TOLLIP: variants seen among roughly 807,000 people sequenced by gnomAD.
The protein encoded by TOLLIP is toll-interacting protein.
In TOLLIP, 16 loss-of-function variants were observed where a neutral mutation model predicts 33.5. The observed-to-expected ratio is 0.48, with a 90% CI of 0.32 to 0.72. The LOEUF is 0.72. TOLLIP is among the 30% of genes least tolerant of loss of function. TOLLIP has a pLI of 0.03. For missense variants in TOLLIP, 325 were observed against 396.6 expected, an observed-to-expected ratio of 0.82 and a Z score of 1.53; for synonymous variants, 176 against 163.7, an observed-to-expected ratio of 1.07 and a Z score of -0.57.
At chr11:1,296,414 G>A (rs1368238101) in intron 1 of TOLLIP, among the ~76,000 whole-genome samples, 1 of 152,218 alleles carries the variant, frequency 6.6e-6, no homozygotes, top group Non-Finnish European at 1.5e-5. Context: ...GAGAGAGGAT[G>A]GGCCCAGGCA....
chr11:1,284,403 C>T (rs988880439), intron 5 of TOLLIP, among the ~76,000 whole-genome samples: 2 of 151,796 alleles, frequency 1.3e-5, no homozygotes, highest in African/African-American at 4.8e-5. Context: ...GGCTGGAGTG[C>T]AGTGGCGCAA....
At chr11:1,280,831 C>A (rs1008065157) in intron 5 of TOLLIP, among the ~76,000 whole-genome samples, 5 of 152,180 alleles carry the variant, frequency 3.3e-5, no homozygotes, top group East Asian at 1.9e-4. Flanking sequence ...ACCCTCAGGG[C>A]AGACCCCTGG....
chr11:1,307,445 G>A (rs566840188), intron 1 of TOLLIP, among the ~76,000 whole-genome samples: 1 of 152,320 alleles, frequency 6.6e-6, no homozygotes, highest in African/African-American at 2.4e-5. Flanking sequence ...GTGCCCCTCA[G>A]AACAGGAAGG....
intron 3 of TOLLIP, among the ~76,000 whole-genome samples, chr11:1,289,300 C>T (rs935787566): frequency 6.6e-6 from 1 of 152,216 alleles, no homozygotes; most frequent in African/African-American, 2.4e-5. Flanking sequence ...AAGGCAGGGC[C>T]CAGGCAGGGA....
intron 3 of TOLLIP, among the ~76,000 whole-genome samples, chr11:1,289,724 G>T (rs1409528543): frequency 6.6e-6 from 1 of 150,638 alleles, no homozygotes; most frequent in Non-Finnish European, 1.5e-5. Context: ...CTGCTGGTGT[G>T]CGGCAAGACC....
chr11:1,279,642 G>A (rs1030894537), intron 5 of TOLLIP, among the ~76,000 whole-genome samples: 5 of 152,204 alleles, frequency 3.3e-5, no homozygotes, highest in East Asian at 3.8e-4. Flanking sequence ...GCACGCGGAC[G>A]GATGTGCAGC....
chr11:1,295,043 GCGTGGCT>G (rs1864063850), intron 2 of TOLLIP, among the ~76,000 whole-genome samples: 5 of 127,980 alleles, frequency 3.9e-5, no homozygotes, highest in African/African-American at 1.5e-4. Flanking sequence ...ACGAAAGCCT[GCGTGGCT>G]CACAGTGTGT....
chr11:1,297,098 G>A (rs2133919728), intron 1 of TOLLIP, among the ~76,000 whole-genome samples: 1 of 152,284 alleles, frequency 6.6e-6, no homozygotes, highest in Admixed American at 6.5e-5. Context: ...GCCCTGGGCA[G>A]TTGTTTTCAG....
intron 5 of TOLLIP, among the ~76,000 whole-genome samples, chr11:1,279,474 G>A (rs1590204879): frequency 1.3e-5 from 2 of 152,222 alleles, no homozygotes; most frequent in Admixed American, 6.5e-5. Context: ...GAGCTCTGGG[G>A]CCTGGCGGAG....
chr11:1,281,749 C>T (rs1440385377), intron 5 of TOLLIP, among the ~76,000 whole-genome samples: 3 of 152,262 alleles, frequency 2.0e-5, no homozygotes, highest in African/African-American at 4.8e-5. Flanking sequence ...AGGCAGAGCA[C>T]GCGGCACAGG....
At chr11:1,287,661 G>C (rs562077799) in intron 4 of TOLLIP, among the ~76,000 whole-genome samples, 3 of 1,000 alleles carry the variant, frequency 3.0e-3, no homozygotes, top group Non-Finnish European at 6.6e-3. Context: ...CCCCGCCGCA[G>C]CCTCCCCGCC....
chr11:1,276,988 C>T lies in TOLLIP; in HGVS notation c.*51G>A, dbSNP rs570736241. ...TGGGACAGCATTCCTTGGGGAGCGCCGGGTCGGCGTGTCCAAAGAGCGGGG... is the reference window on the plus strand; with the variant it reads ...TGGGACAGCATTCCTTGGGGAGCGCTGGGTCGGCGTGTCCAAAGAGCGGGG... On this transcript the variant is annotated 3_prime_UTR_variant, in exon 6 of 6. Coordinates refer to ENST00000317204, the MANE Select transcript of TOLLIP (RefSeq NM_019009.4). 6.3e-6 allele frequency: 10 copies of T among 1,596,796 alleles called. No homozygotes were observed. Among genetic ancestry groups the T allele is most frequent in the East Asian group, 4.5e-5 (2 of 44,584 alleles).
chr11:1,304,022 C>T (rs372408628), intron 1 of TOLLIP, among the ~76,000 whole-genome samples: 3 of 139,916 alleles, frequency 2.1e-5, no homozygotes, highest in East Asian at 2.1e-4. Context: ...GGCTACAGAG[C>T]GAGCCTCCAT....
At chr11:1,306,790 G>C (rs1036377914) in intron 1 of TOLLIP, among the ~76,000 whole-genome samples, 2 of 151,774 alleles carry the variant, frequency 1.3e-5, no homozygotes, top group Non-Finnish European at 2.9e-5. Flanking sequence ...ACCCTCCGGC[G>C]GCCTCCAGCT....
chr11:1,284,874 C>T (rs930417607), intron 5 of TOLLIP, among the ~76,000 whole-genome samples: 1 of 151,032 alleles, frequency 6.6e-6, no homozygotes, highest in Non-Finnish European at 1.5e-5. Context: ...CTCCCAGTGC[C>T]GTCTCCTCCT....
At chr11:1,309,427 G>A in intron 1 of TOLLIP, 39 bp downstream of exon 1, 4 of 1,226,834 alleles carry the variant, frequency 3.3e-6, no homozygotes, top group South Asian at 2.5e-5. Flanking sequence ...CGCAACCGCA[G>A]GTCACCGCCC....
chr11:1,300,763 G>T (rs5743910), intron 1 of TOLLIP, among the ~76,000 whole-genome samples: 65 of 152,338 alleles, frequency 4.3e-4, no homozygotes, highest in African/African-American at 1.5e-3. Flanking sequence ...CCTCACGCCT[G>T]CCAGGAGACA....
At position 1,288,678 on chromosome 11, in the gene TOLLIP, G is replaced by A. The variant is rs377122220; in HGVS notation, c.465C>T (p.Ser155=). 2.0e-5 allele frequency: 32 copies of A among 1,612,788 alleles called. No individual in the cohort carries two copies. The highest frequency in any genetic ancestry group is 1.7e-4 in the Middle Eastern group (1 of 6,060). ...GKVEDKWYSL[S]GRQGDDKEGM... ...CCTCCTTGTCGTCCCCCTGCCTCCCGCTCAGGCTGTACCACTTGTCCTCCA... is the reference window on the plus strand; with the variant it reads ...CCTCCTTGTCGTCCCCCTGCCTCCCACTCAGGCTGTACCACTTGTCCTCCA... Residue 155 remains serine, a synonymous_variant, in exon 4 of 6, where the codon AGC becomes AGT. Transcript: ENST00000317204.
Position 1,290,819 on chromosome 11 carries a change from G to A in TOLLIP, c.184-410C>T, listed in dbSNP as rs1312352457. ...GAGTGTGAACCTGCCCCCGGAGCAT[G>A]ATGACCCGGGAGAGGTGCATCCTCG... is the stretch of plus-strand genomic sequence containing the variant. On this transcript the variant is annotated intron_variant, in intron 2 of 5. Coordinates refer to ENST00000317204, the MANE Select transcript of TOLLIP (RefSeq NM_019009.4). The surrounding 1 kb of genome is among the most constrained non-coding windows in gnomAD (Gnocchi z 4.9). The A allele has an allele frequency of 5.6e-6, 1 of 178,666 alleles. No individual in the cohort carries two copies. Among genetic ancestry groups the A allele is most frequent in the Admixed American group, 5.5e-5 (1 of 18,032 alleles). 11.1% of individuals were successfully genotyped at this position (178,666 alleles called of 1,614,324 possible). A position where few individuals can be genotyped will look rare whatever the true frequency, so the allele number is the denominator to read the frequency against.
Sources: allele counts gnomAD v4.1 joint callset (sites outside exome capture counted in the v4.1 genomes callset), GRCh38; gene constraint gnomAD v4.1.1; non-coding constraint Gnocchi (gnomAD v3.1); transcripts MANE v1.5; gene names NCBI Gene and HGNC (gene_info 2026-07-23, HGNC 2026-07-21).